The following BRD8 variants were observed in gnomAD, a reference collection of about 807,000 sequenced individuals.
The protein encoded by BRD8 is bromodomain containing 8, also known as bromodomain-containing protein 8.
In BRD8, 67 loss-of-function variants were observed where a neutral mutation model predicts 143.1. The ratio of observed to expected loss-of-function variants is 0.47; its 90% CI spans 0.38 to 0.57. The LOEUF is 0.57. Ranked by LOEUF, BRD8 falls within the 20% of genes least tolerant of loss-of-function variation. The pLI, the probability that BRD8 is intolerant of heterozygous loss-of-function variation, is 0.00. For synonymous variants in BRD8, 505 were observed against 517.1 expected, an observed-to-expected ratio of 0.98 and a Z score of 0.32; for missense variants, 1,103 against 1,503.0, an observed-to-expected ratio of 0.73 and a Z score of 4.40.
intron 9 of BRD8, 94 bp from the exon 10 acceptor site, chr5:138,166,821 T>C (rs1347095791): frequency 1.3e-6 from 1 of 769,562 alleles, no homozygotes; most frequent in Non-Finnish European, 2.3e-6. Context: ...AAAATTCTTA[T>C]GGTCTCAAAG....
chr5:138,143,890 G>A (rs1401014906), intron 25 of BRD8, among the ~76,000 whole-genome samples: 1 of 152,176 alleles, frequency 6.6e-6, no homozygotes, highest in Non-Finnish European at 1.5e-5. Context: ...TGTGGAGGAG[G>A]CCAAATAAGG....
chr5:138,143,020 C>T (rs1466777064), intron 25 of BRD8, among the ~76,000 whole-genome samples: 1 of 152,100 alleles, frequency 6.6e-6, no homozygotes, highest in Non-Finnish European at 1.5e-5. Context: ...CACAGTGGCT[C>T]ACACCTGTAA....
Position 138,171,372 on chromosome 5 carries a change from A to T in BRD8, c.225T>A (p.Thr75=), listed in dbSNP as rs774725975. ...ASQYSELLET[T]ETPKRKRGEK... is the part of the protein sequence containing the mutation. ...GGCTTTGTACTCACTTTGGTGTCTC[A>T]GTGGTCTCTAAAAGCTCCGAGTACT... Residue 75 remains threonine (T), a synonymous_variant, in exon 4 of 27, where the codon ACT becomes ACA. Coordinates refer to ENST00000254900, the MANE Select transcript of BRD8 (RefSeq NM_139199.2). 15 of 1,607,598 alleles carry T rather than the reference A, an allele frequency of 9.3e-6. No individual in the cohort carries two copies. The highest frequency in any genetic ancestry group is 1.3e-5 in the Non-Finnish European group (15 of 1,177,528).
Position 138,169,323 on chromosome 5 carries a change from G to A in BRD8, c.541C>T (p.Pro181Ser). ...ATAGGAGAGCGAACCATCACAGTGG[G>A]TAACCTCCGGGGGGGTGTTTTTACT... Reference protein sequence around the residue: ...QAVKTPPRRLPTVMVRSPIDS... With the variant: ...QAVKTPPRRLSTVMVRSPIDS... Residue 181 changes from proline to serine, a missense_variant, in exon 8 of 27, where the codon CCC (proline) becomes TCC (serine). Around this residue, in one of 7 missense-constraint regions of BRD8, gnomAD observed 334 missense variants for 372.5 expected, o/e 0.90. Coordinates refer to ENST00000254900, the MANE Select transcript of BRD8 (RefSeq NM_139199.2). The A allele has an allele frequency of 1.2e-6, 2 of 1,614,136 alleles. No homozygotes were observed. Among genetic ancestry groups the A allele is most frequent in the South Asian group, 1.1e-5 (1 of 91,090 alleles).
At chr5:138,143,534 G>T (rs529131954) in intron 25 of BRD8, among the ~76,000 whole-genome samples, 26 of 152,258 alleles carry the variant, frequency 1.7e-4, no homozygotes, top group African/African-American at 6.0e-4. Flanking sequence ...GGTGAAGCTG[G>T]CTGGGCTTCT....
intron 9 of BRD8, chr5:138,167,606 A>G (rs1175383567): frequency 4.2e-6 from 1 of 236,916 alleles, no homozygotes; most frequent in East Asian, 1.2e-4. Flanking sequence ...CTGAGATTCA[A>G]GCCCAATTCT....
chr5:138,165,410 T>C (rs1753318620), intron 11 of BRD8, among the ~76,000 whole-genome samples: 1 of 151,606 alleles, frequency 6.6e-6, no homozygotes, highest in South Asian at 2.1e-4. Flanking sequence ...AGTAGGAGAG[T>C]TGTTTAAGTA....
At chr5:138,168,177 A>G in intron 8 of BRD8, 99 bp from the exon 9 acceptor site, 1 of 820,694 alleles carries the variant, frequency 1.2e-6, no homozygotes, top group Non-Finnish European at 2.0e-6. Context: ...ATGAAAACTA[A>G]TAGCTAATAT....
rs1455468305 is a variant in BRD8, at chr5:138,152,578, T to C, written c.2760A>G (p.Glu920=). 1.2e-6 allele frequency: 2 copies of C among 1,614,038 alleles called. No individual in the cohort carries two copies. Among genetic ancestry groups the C allele is most frequent in the Non-Finnish European group, 1.7e-6 (2 of 1,180,038 alleles). ...EELEESSPER[E]PSELLVGDGG... is the part of the protein sequence containing the mutation. ...CATCCCCAACAAGCAGTTCACTAGG[T>C]TCTCTCTCCGGGCTGCTTTCCTCTA... Residue 920 remains glutamate (E), a synonymous_variant, in exon 21 of 27, where the codon GAA becomes GAG. Transcript: ENST00000254900.
chr5:138,149,560 A>C, intron 23 of BRD8, 80 bp downstream of exon 23: 1 of 1,290,352 alleles, frequency 7.7e-7, no homozygotes, highest in Non-Finnish European at 1.0e-6. Flanking sequence ...TTAACTTATA[A>C]AAGTAATCCA....
chr5:138,162,177 C>T (rs1753046254), intron 15 of BRD8, 31 bp from the exon 16 acceptor site: 1 of 1,494,078 alleles, frequency 6.7e-7, no homozygotes, highest in African/African-American at 1.4e-5. Flanking sequence ...TTCCACTAGG[C>T]ACAAGTTAAA....
chr5:138,176,239 T>G, intron 2 of BRD8, among the ~76,000 whole-genome samples: 1 of 151,564 alleles, frequency 6.6e-6, no homozygotes, highest in African/African-American at 2.4e-5. Flanking sequence ...CAAAAAAAAG[T>G]CCAGAAGAGC....
chr5:138,155,762 A>G (rs1752563879), intron 20 of BRD8, among the ~76,000 whole-genome samples: 1 of 152,190 alleles, frequency 6.6e-6, no homozygotes, highest in African/African-American at 2.4e-5. Context: ...CCTGGGCTCA[A>G]GTGATCTTCC....
intron 21 of BRD8, among the ~76,000 whole-genome samples, chr5:138,152,271 T>A (rs1257437310): frequency 6.6e-6 from 1 of 152,238 alleles, no homozygotes; most frequent in Non-Finnish European, 1.5e-5. Context: ...ATTACAGGCG[T>A]GAGCCACTGC....
chr5:138,170,905 T>G lies in BRD8; in HGVS notation c.367A>C (p.Lys123Gln), dbSNP rs1753810651. The G allele has an allele frequency of 7.4e-6, 12 of 1,614,086 alleles. No individual in the cohort carries two copies. The highest frequency in any genetic ancestry group is 1.0e-5 in the Non-Finnish European group (12 of 1,180,034). ...GCTTGAATTAGTTCTGCATCTCTCT[T>G]TAGCCGTCTATAGGAAGAAAGAGAG... ...KETQERYRRL[K>Q]RDAELIQAGH... The change falls in exon 6 of 27, where the codon AAG (lysine) becomes CAG (glutamine). Residue 123 changes from lysine (K) to glutamine (Q), a missense_variant. This residue lies in a region of BRD8 where 334 missense variants were observed against 372.5 expected (regional missense o/e 0.90). Transcript: ENST00000254900.
At chr5:138,152,459 T>C in intron 21 of BRD8, 23 bp downstream of exon 21, 5 of 1,609,868 alleles carry the variant, frequency 3.1e-6, no homozygotes, top group Non-Finnish European at 3.4e-6. Context: ...TTTCCAGCTT[T>C]GGAAATAAGA....
chr5:138,146,969 CAAAAAAAAAAAAAA>C (rs60597015), intron 23 of BRD8, among the ~76,000 whole-genome samples: 2 of 49,050 alleles, frequency 4.1e-5, no homozygotes, highest in Admixed American at 2.2e-4. Flanking sequence ...AACTCCGTCT[CAAAAAAAAAAAAAA>C]AAAAAAAAAG....
At chr5:138,157,376 A>T (rs1028466413) in intron 20 of BRD8, 2 of 1,443,002 alleles carry the variant, frequency 1.4e-6, no homozygotes, top group African/African-American at 1.4e-5. Context: ...GAAGAGAATC[A>T]GCAGAAAAAT....
intron 2 of BRD8, chr5:138,172,595 T>G (rs1753962401): frequency 3.5e-6 from 1 of 282,244 alleles, no homozygotes; most frequent in African/African-American, 3.2e-5. Flanking sequence ...ATCCCAGCAC[T>G]CTGGGAGGCA....
Sources: gnomAD v4.1 joint callset for allele counts (sites outside exome capture counted in the v4.1 genomes callset) on GRCh38, gnomAD v4.1.1 for gene constraint, gnomAD v4.1.1 regional missense constraint, MANE v1.5 for transcripts, NCBI Gene and HGNC (gene_info 2026-07-23, HGNC 2026-07-21) for gene names.